The following TTC7B variants were observed in gnomAD, a reference collection of about 807,000 sequenced individuals.
TTC7B encodes the protein tetratricopeptide repeat protein 7B.
TTC7B carries 28 observed loss-of-function variants against 106.8 expected under a neutral mutation model. The ratio of observed to expected loss-of-function variants is 0.26; its 90% confidence interval spans 0.19 to 0.36. The LOEUF is 0.36. TTC7B is among the 10% of genes least tolerant of loss of function. TTC7B has a pLI of 1.00. For synonymous variants in TTC7B, 405 were observed against 430.6 expected (o/e 0.94, Z 0.74); for missense variants, 862 against 1,076.4 (o/e 0.80, Z 2.79).
chr14:90,609,506 T>C (rs1283835229), intron 17 of TTC7B, among the ~76,000 whole-genome samples: 1 of 152,172 alleles, frequency 6.6e-6, no homozygotes, highest in Non-Finnish European at 1.5e-5. Flanking sequence ...CCCACCTGGA[T>C]AGGTTTTTCC....
intron 15 of TTC7B, among the ~76,000 whole-genome samples, chr14:90,622,417 C>A (rs1252221940): frequency 1.3e-5 from 2 of 151,920 alleles, no homozygotes; most frequent in Non-Finnish European, 2.9e-5. Flanking sequence ...CCGTGCCCAG[C>A]CATGAATCTA....
chr14:90,735,639 G>A (rs1021194711), intron 4 of TTC7B, among the ~76,000 whole-genome samples: 2 of 152,008 alleles, frequency 1.3e-5, no homozygotes, highest in Admixed American at 6.6e-5. Context: ...TGGGTGGATC[G>A]CTTGAGGTCA....
At chr14:90,546,581 C>A (rs1889841646) in intron 19 of TTC7B, among the ~76,000 whole-genome samples, 2 of 152,224 alleles carry the variant, frequency 1.3e-5, no homozygotes, top group African/African-American at 4.8e-5. Context: ...GGCCATAATG[C>A]ACCCCATCCC....
At chr14:90,545,106 A>G (rs1173431608) in intron 19 of TTC7B, among the ~76,000 whole-genome samples, 5 of 152,210 alleles carry the variant, frequency 3.3e-5, no homozygotes, top group Non-Finnish European at 7.4e-5. Flanking sequence ...TTCTTGCCCC[A>G]GGTCCCAGGG....
chr14:90,715,784 AC>A (rs1183460270), intron 5 of TTC7B, among the ~76,000 whole-genome samples: 1 of 151,828 alleles, frequency 6.6e-6, no homozygotes, highest in Admixed American at 6.6e-5. Context: ...CCACCACCCC[AC>A]CCACTTCTCC....
rs1200673552 is a variant in TTC7B at position 90,539,590 on chromosome 14, T to A, written c.*1778A>T. 3.9e-5 allele frequency: 6 copies of A among 152,422 alleles called. No homozygotes were observed. The highest frequency in any genetic ancestry group is 5.9e-5 in the Non-Finnish European group (4 of 68,192). 9.4% of individuals were successfully genotyped at this position (152,422 alleles called of 1,614,324 possible). ...TTGGCTGCCCCCTAGCCCGCCTGCC[T>A]CAGTGAGCCAGAGAGGTCGTGCCCA... On this transcript the variant is annotated 3_prime_UTR_variant, in exon 20 of 20. Transcript: ENST00000328459.
rs779511331 is a variant in TTC7B, at chr14:90,624,325, G to C, written c.1752-6280C>G. Among the ~76,000 whole-genome samples the C allele has an allele frequency of 6.6e-6, 1 of 152,204 alleles. No individual in the cohort carries two copies. Among genetic ancestry groups the C allele is most frequent in the African/African-American group, 2.4e-5 (1 of 41,472 alleles). On this transcript the variant is annotated intron_variant, in intron 15 of 19. Coordinates refer to ENST00000328459, the MANE Select transcript of TTC7B (RefSeq NM_001010854.2). The surrounding 1 kb of genome is among the most constrained non-coding windows in gnomAD (Gnocchi z 4.0). Reference sequence around the variant, plus strand: ...TGGATAGGGCAGGGCTTAGAAAGAAGACACAACTGCCCCTGGGGAAGCTCT... The same window carrying C: ...TGGATAGGGCAGGGCTTAGAAAGAACACACAACTGCCCCTGGGGAAGCTCT...
intron 2 of TTC7B, among the ~76,000 whole-genome samples, chr14:90,784,796 C>T (rs547725377): frequency 3.9e-5 from 6 of 152,258 alleles, no homozygotes; most frequent in Admixed American, 3.3e-4. Flanking sequence ...CCCCTAGGGG[C>T]CTGGGGCAAG....
chr14:90,780,252 A>T (rs187856049), intron 3 of TTC7B, among the ~76,000 whole-genome samples: 134 of 152,108 alleles, frequency 8.8e-4, no homozygotes, highest in African/African-American at 3.1e-3. Flanking sequence ...GTGGTGGCGC[A>T]TGCCTGTAAT....
chr14:90,568,832 C>A (rs1232353896), intron 19 of TTC7B, among the ~76,000 whole-genome samples: 2 of 152,164 alleles, frequency 1.3e-5, no homozygotes, highest in African/African-American at 4.8e-5. Flanking sequence ...TTCTTATTCC[C>A]AGGGACATTC....
At chr14:90,734,623 T>A (rs1889450098) in intron 4 of TTC7B, among the ~76,000 whole-genome samples, 1 of 152,120 alleles carries the variant, frequency 6.6e-6, no homozygotes, top group South Asian at 2.1e-4. Context: ...AAGATGCTGC[T>A]CAGGCATCAT....
intron 2 of TTC7B, among the ~76,000 whole-genome samples, chr14:90,784,556 C>T (rs930695604): frequency 4.0e-5 from 6 of 148,398 alleles, no homozygotes; most frequent in African/African-American, 1.5e-4. Context: ...GACTCCATCT[C>T]GAAAAAAAAA....
rs776070869 is a variant in TTC7B at position 90,689,728 on chromosome 14, A to C, written c.778-16T>G. On this transcript the variant is annotated splice_polypyrimidine_tract_variant and intron_variant, in intron 6 of 19. Transcript: ENST00000328459. ...TGGCTATTGTCTGGGAACATAAACG[A>C]GGAAAAGCATAGCCATGAATCTATC... 3.1e-6 allele frequency: 5 copies of C among 1,612,826 alleles called. No individual in the cohort carries two copies. In the African/African-American group the frequency reaches 6.7e-5, roughly 22 times the overall value.
In TTC7B at chr14:90,805,675, TGCAA is replaced by T. The variant is rs1285117114; in HGVS notation, c.121+10496_121+10499del. ...GCATTATTTGGGGTTTAAGTGAGGC[TGCAA>T]TAACCAGCTCCCAACGACTTGTATA... is the stretch of plus-strand genomic sequence containing the variant. On this transcript the variant is annotated intron_variant, in intron 1 of 19. Transcript: ENST00000328459. This position sits in a 1 kb window ranked among gnomAD's most constrained non-coding sequence, Gnocchi z 4.0. 6.6e-6 allele frequency among the ~76,000 whole-genome samples: 1 copy of T among 152,216 alleles called. No individual in the cohort carries two copies.
chr14:90,762,677 G>C (rs769512470), intron 3 of TTC7B, among the ~76,000 whole-genome samples: 3 of 152,106 alleles, frequency 2.0e-5, no homozygotes, highest in Admixed American at 1.3e-4. Context: ...ATATGAGATG[G>C]GCTCCTATTC....
chr14:90,785,054 G>A (rs967133915), intron 2 of TTC7B, among the ~76,000 whole-genome samples: 1 of 152,172 alleles, frequency 6.6e-6, no homozygotes, highest in Admixed American at 6.5e-5. Context: ...AAAGCTCACA[G>A]GCTTAGAACA....
At chr14:90,684,654 A>T (rs1363805951) in intron 7 of TTC7B, among the ~76,000 whole-genome samples, 1 of 152,210 alleles carries the variant, frequency 6.6e-6, no homozygotes. Flanking sequence ...TTCCATGTAT[A>T]TAAATTTCAA....
intron 9 of TTC7B, among the ~76,000 whole-genome samples, chr14:90,669,535 C>CAA (rs35000807): frequency 0.082 from 7,744 of 94,258 alleles, 210 homozygotes; most frequent in South Asian, 0.12. Context: ...CTCGTCTCTA[C>CAA]AAAAAAAAAA....
intron 3 of TTC7B, among the ~76,000 whole-genome samples, chr14:90,750,371 C>T (rs1166332994): frequency 6.6e-6 from 1 of 152,212 alleles, no homozygotes; most frequent in Non-Finnish European, 1.5e-5. Flanking sequence ...GCATTTTGTA[C>T]TGCTTCAGGC....
Sources: gnomAD v4.1 joint callset for allele counts (sites outside exome capture counted in the v4.1 genomes callset) on GRCh38, gnomAD v4.1.1 for gene constraint, Gnocchi (gnomAD v3.1) non-coding constraint, MANE v1.5 for transcripts, NCBI Gene and HGNC (gene_info 2026-07-23, HGNC 2026-07-21) for gene names.